The following ERAP2 variants were observed in gnomAD, a reference collection of about 807,000 sequenced individuals.
The protein encoded by ERAP2 is leukocyte-derived arginine aminopeptidase.
Under a neutral mutation model 111.1 loss-of-function variants are expected in ERAP2, and 118 were observed. The ratio of observed to expected loss-of-function variants is 1.06; its 90% CI spans 0.92 to 1.24. The LOEUF is 1.24. Ranked by LOEUF, ERAP2 falls within the 50% of genes most tolerant of loss-of-function variation. The pLI is 0.00. For missense variants in ERAP2, 1,131 were observed against 1,125.8 expected, an observed-to-expected ratio of 1.00 and a Z score of -0.07; for synonymous variants, 410 against 401.2, an observed-to-expected ratio of 1.02 and a Z score of -0.26.
rs1335458724 is a variant in ERAP2, at chr5:96,909,760, T to C, written c.2350T>C (p.Leu784=). The change falls in exon 15 of 19, where the codon TTA becomes CTA. Residue 784 remains leucine, a synonymous_variant. Transcript: ENST00000437043. ...FSQWMESSGK[L]NIPTDVLKIV... Reference sequence around the variant, plus strand: ...CCAGTGGATGGAATCCAGTGGAAAATTAAAGTAGATGTAGACTTCTGTCCT... The same window carrying C: ...CCAGTGGATGGAATCCAGTGGAAAACTAAAGTAGATGTAGACTTCTGTCCT... 1.2e-6 allele frequency: 2 copies of C among 1,613,846 alleles called. No homozygotes were observed. Among genetic ancestry groups the C allele is most frequent in the South Asian group, 2.2e-5 (2 of 91,058 alleles).
rs749453960 is a variant in ERAP2, at chr5:96,909,001, T to TA, written c.2054dup (p.Tyr685Ter). ...LTLDKALDMTYYLQHETSSPA... is the reference protein window; with the variant it reads ...LTLDKALDMT Reference sequence around the variant, plus strand: ...CCTAGACAAAGCTCTTGACATGACTTACTACCTCCAACATGAAACAAGCAG... The same window carrying TA: ...CCTAGACAAAGCTCTTGACATGACTTAACTACCTCCAACATGAAACAAGCAG... The change falls in exon 14 of 19, where the codon TAC (tyrosine) becomes TAAC (stop). Residue 685 changes from tyrosine (Y) to a stop codon, truncating the protein, a stop_gained and frameshift_variant. Coordinates refer to ENST00000437043, the MANE Select transcript of ERAP2 (RefSeq NM_022350.5). LOFTEE classifies it high-confidence loss of function. 1.3e-5 allele frequency: 21 copies of TA among 1,614,082 alleles called. No individual in the cohort carries two copies. The African/African-American group carries it at 2.8e-4, about 22-fold the overall frequency.
At chr5:96,890,862 T>C (rs1181127858) in intron 5 of ERAP2, among the ~76,000 whole-genome samples, 1 of 152,098 alleles carries the variant, frequency 6.6e-6, no homozygotes, top group Non-Finnish European at 1.5e-5. Context: ...AGATCAAAAG[T>C]CAAGGAAAGA....
chr5:96,903,719 G>T (rs577956085), intron 13 of ERAP2, among the ~76,000 whole-genome samples, 159 bp downstream of exon 13: 1 of 151,904 alleles, frequency 6.6e-6, no homozygotes, highest in Non-Finnish European at 1.5e-5. Context: ...CACTAATAAC[G>T]TATTTTGACC....
rs761472112 is a variant in ERAP2 at position 96,912,770 on chromosome 5, AC to A, written c.2489del (p.Thr830ArgfsTer9). ...EQNKILYALS[T>X]SKHQEKLLKL... The stretch of plus-strand genomic sequence containing the variant: ...AAACAAAATTCTGTATGCTTTGTCA[AC>A]GAGCAAGCATCAGGAAAAGTTACTG... On this transcript the variant is annotated frameshift_variant, in exon 16 of 19. Transcript: ENST00000437043. LOFTEE classifies it high-confidence loss of function. 1 of 1,602,186 alleles carries A rather than the reference AC, an allele frequency of 6.2e-7. No individual in the cohort carries two copies.
intron 5 of ERAP2, among the ~76,000 whole-genome samples, chr5:96,891,549 C>T (rs866515125): frequency 1.4e-4 from 19 of 140,740 alleles, no homozygotes; most frequent in South Asian, 4.6e-4. Flanking sequence ...CACACACACA[C>T]ACACACACAC....
At chr5:96,883,246 T>G (rs1161320399) in intron 2 of ERAP2, among the ~76,000 whole-genome samples, 1 of 152,176 alleles carries the variant, frequency 6.6e-6, no homozygotes, top group African/African-American at 2.4e-5. Flanking sequence ...TCCTGCACCC[T>G]TGACTGGCTT....
rs1405802502 is a variant in ERAP2 at position 96,919,426 on chromosome 5, G to GT, written c.*1822dup. 3 of 152,162 alleles carry GT rather than the reference G, an allele frequency of 2.0e-5. No individual in the cohort carries two copies. Among genetic ancestry groups the GT allele is most frequent in the Non-Finnish European group, 4.4e-5 (3 of 67,990 alleles). The allele number at this position is 152,162 out of a possible 1,614,324, so 9.4% of individuals were successfully genotyped here. On this transcript the variant is annotated 3_prime_UTR_variant, in exon 19 of 19. Transcript: ENST00000437043. ...ATTTTAGCATAAGGAAATTGAAAAA[G>GT]TAAAACATACTGGTTTTTTTCAACA...
chr5:96,887,824 G>A (rs947471007), intron 4 of ERAP2, among the ~76,000 whole-genome samples: 4 of 152,140 alleles, frequency 2.6e-5, no homozygotes, highest in African/African-American at 9.7e-5. Context: ...ATAAAATAAT[G>A]CTTTTGAAAA....
intron 2 of ERAP2, among the ~76,000 whole-genome samples, chr5:96,882,605 G>A (rs959228407): frequency 1.1e-4 from 17 of 152,186 alleles, no homozygotes; most frequent in African/African-American, 3.1e-4. Flanking sequence ...CCAATGAATC[G>A]TGTAAGCAAC....
At chr5:96,909,544 T>C (rs769085428) in intron 14 of ERAP2, 36 bp from the exon 15 acceptor site, 10 of 1,561,168 alleles carry the variant, frequency 6.4e-6, no homozygotes, top group Non-Finnish European at 8.8e-6. Context: ...AGGACTAAAT[T>C]TAGCCTCTCT....
rs10454291 is a variant in ERAP2 at position 96,916,588 on chromosome 5, C to T, written c.2739+819C>T. Among the ~76,000 whole-genome samples the T allele has an allele frequency of 3.2e-3, 481 of 151,074 alleles. 16 individuals carry two copies. In the East Asian group the frequency reaches 0.072, roughly 23 times the overall value. ...ACGCCATTCTCCTGCCTCAGCCTCC[C>T]GAGTAGCTGGGACTACAGGAGGCTG... On this transcript the variant is annotated intron_variant, in intron 18 of 18. Transcript: ENST00000437043.
chr5:96,895,436 TTAAACAGAA>T, intron 7 of ERAP2, 77 bp downstream of exon 7: 2 of 1,049,814 alleles, frequency 1.9e-6, no homozygotes, highest in Non-Finnish European at 2.9e-6. Context: ...CAAGTGAATG[TTAAACAGAA>T]AAACTACATA....
chr5:96,906,744 A>G (rs1786128618), intron 13 of ERAP2, among the ~76,000 whole-genome samples: 1 of 152,112 alleles, frequency 6.6e-6, no homozygotes, highest in Non-Finnish European at 1.5e-5. Flanking sequence ...TAAAGAGAAA[A>G]CCCCACATTG....
chr5:96,902,168 G>A, intron 11 of ERAP2, 106 bp from the exon 12 acceptor site: 1 of 710,898 alleles, frequency 1.4e-6, no homozygotes, highest in South Asian at 1.8e-5. Flanking sequence ...GTAGTATGAA[G>A]GATGATGGGT....
At chr5:96,901,292 T>C (rs1248008608) in intron 10 of ERAP2, among the ~76,000 whole-genome samples, 1 of 152,176 alleles carries the variant, frequency 6.6e-6, no homozygotes, top group Non-Finnish European at 1.5e-5. Context: ...TACTATATCC[T>C]GTATATATCC....
rs114608893 is a variant in ERAP2, at chr5:96,885,832, G to A, written c.715-823G>A. On this transcript the variant is annotated intron_variant, in intron 3 of 18. Coordinates refer to ENST00000437043, the MANE Select transcript of ERAP2 (RefSeq NM_022350.5). ...GACCATCTCTGAGACAAGCTGCCCA[G>A]ACCAAATGAAGATAGAATTCAGTCA... Among the ~76,000 whole-genome samples, 856 of 152,338 alleles carry A rather than the reference G, an allele frequency of 5.6e-3. 14 individuals carry two copies. The highest frequency in any genetic ancestry group is 0.019 in the African/African-American group (798 of 41,578).
At chr5:96,887,715 TAAATATTTGCA>T (rs2151135486) in intron 4 of ERAP2, among the ~76,000 whole-genome samples, 1 of 152,358 alleles carries the variant, frequency 6.6e-6, no homozygotes, top group Admixed American at 6.5e-5. Flanking sequence ...TCTTTGTAGT[TAAATATTTGCA>T]AACATCAGTG....
chr5:96,912,996 T>C (rs1183667437), intron 16 of ERAP2, among the ~76,000 whole-genome samples, 198 bp downstream of exon 16: 1 of 152,210 alleles, frequency 6.6e-6, no homozygotes, highest in Non-Finnish European at 1.5e-5. Flanking sequence ...ATTAATCATA[T>C]GATTGAGACT....
rs769716040 is a variant in ERAP2 at position 96,889,214 on chromosome 5, G to A, written c.879G>A (p.Arg293=). 18 of 1,614,094 alleles carry A rather than the reference G, an allele frequency of 1.1e-5. No homozygotes were observed. Among genetic ancestry groups the A allele is most frequent in the Non-Finnish European group, 1.4e-5 (17 of 1,179,998 alleles). ...CCATCTATGCATCCCCAGACAAACG[G>A]AATCAAACACATTATGCTTTGCAGG... ...KVSIYASPDK[R]NQTHYALQAS... Residue 293 remains arginine, a synonymous_variant, in exon 5 of 19, where the codon CGG becomes CGA. Transcript: ENST00000437043.
Sources: gnomAD v4.1 joint callset for allele counts (sites outside exome capture counted in the v4.1 genomes callset) on GRCh38, gnomAD v4.1.1 for gene constraint, MANE v1.5 for transcripts, NCBI Gene and HGNC (gene_info 2026-07-23, HGNC 2026-07-21) for gene names.